RARB: variants seen among roughly 807,000 people sequenced by gnomAD.
RARB encodes HBV-activated protein.
RARB carries 17 observed loss-of-function variants against 51.9 expected under a neutral mutation model. That is an observed-to-expected ratio of 0.33 (90% CI 0.22 to 0.49). The LOEUF (loss-of-function observed/expected upper bound fraction) is 0.49, where lower values mean the gene tolerates loss of function less well. RARB is among the 20% of genes least tolerant of loss of function. The pLI, the probability that RARB is intolerant of heterozygous loss-of-function variation, is 0.99. For synonymous variants in RARB, 215 were observed against 195.4 expected (o/e 1.10, Z -0.84); for missense variants, 369 against 550.8 (o/e 0.67, Z 3.30).
At chr3:25,186,038 T>C in intron 5 of RARB, among the ~76,000 whole-genome samples, 1 of 152,074 alleles carries the variant, frequency 6.6e-6, no homozygotes, top group East Asian at 1.9e-4. Context: ...AATTTGACCC[T>C]GGGAATTCCA....
intron 3 of RARB, among the ~76,000 whole-genome samples, chr3:25,121,645 G>C (rs1018099052): frequency 6.6e-6 from 1 of 152,118 alleles, no homozygotes; most frequent in Non-Finnish European, 1.5e-5. Flanking sequence ...ATTTTTTTAT[G>C]TGTAATGGTA....
intron 4 of RARB, among the ~76,000 whole-genome samples, chr3:25,171,224 C>A (rs1700639188): frequency 1.3e-5 from 2 of 151,862 alleles, no homozygotes; most frequent in African/African-American, 4.8e-5. Flanking sequence ...GTTTGCCTTG[C>A]CTGAGGTGGT....
intron 2 of RARB, among the ~76,000 whole-genome samples, chr3:24,887,661 T>C (rs17787433): frequency 0.34 from 52,075 of 152,168 alleles, 11,118 homozygotes; most frequent in Non-Finnish European, 0.46. Context: ...CTCCTCCTGC[T>C]AGAAGTGATG....
Position 24,831,623 on chromosome 3 carries a change from C to A in RARB, c.-459+2220C>A, listed in dbSNP as rs1314267153. On this transcript the variant is annotated intron_variant, in intron 1 of 11. Transcript: ENST00000383772. ...ATTCCTTCTTGGACAAAAAAAAATA[C>A]ATGATGCTTATAGATATGGTGGGGG... 2.0e-5 allele frequency among the ~76,000 whole-genome samples: 3 copies of A among 151,062 alleles called. No homozygotes were observed. The East Asian group carries it at 5.8e-4, about 29-fold the overall frequency.
intron 5 of RARB, among the ~76,000 whole-genome samples, chr3:25,284,639 A>T (rs1290916059): frequency 6.6e-6 from 1 of 152,146 alleles, no homozygotes; most frequent in African/African-American, 2.4e-5. Context: ...AAGGTAGGGA[A>T]AGTTCTCAAG....
intron 5 of RARB, among the ~76,000 whole-genome samples, chr3:25,246,658 A>G (rs916357929): frequency 1.3e-5 from 2 of 152,158 alleles, no homozygotes; most frequent in African/African-American, 4.8e-5. Context: ...AGGCTGCAGA[A>G]GAGCAAATAT....
At chr3:25,333,767 C>T (rs566102043) in intron 5 of RARB, among the ~76,000 whole-genome samples, 9 of 152,312 alleles carry the variant, frequency 5.9e-5, no homozygotes, top group African/African-American at 2.2e-4. Flanking sequence ...TAAATTTTTA[C>T]ATTCTACCCA....
intron 5 of RARB, among the ~76,000 whole-genome samples, chr3:25,249,108 G>C (rs1702640884): frequency 6.6e-6 from 1 of 152,026 alleles, no homozygotes; most frequent in South Asian, 2.1e-4. Flanking sequence ...TATACATTAT[G>C]TGGGCATTCT....
intron 2 of RARB, among the ~76,000 whole-genome samples, chr3:24,975,130 G>C (rs1472550059): frequency 6.6e-6 from 1 of 152,132 alleles, no homozygotes; most frequent in Non-Finnish European, 1.5e-5. Context: ...TGAGTAGTAT[G>C]GCATAAGGAT....
At chr3:24,867,320 T>C (rs1317432216) in intron 2 of RARB, among the ~76,000 whole-genome samples, 7 of 152,158 alleles carry the variant, frequency 4.6e-5, no homozygotes, top group African/African-American at 1.7e-4. Context: ...CAGGAATAAA[T>C]AAGGGCAGTT....
At chr3:25,554,578 C>T (rs1333680068) in intron 3 of RARB, among the ~76,000 whole-genome samples, 2 of 152,120 alleles carry the variant, frequency 1.3e-5, no homozygotes, top group Non-Finnish European at 2.9e-5. Context: ...TTTGCCACTC[C>T]TGGGCTAGAC....
intron 5 of RARB, among the ~76,000 whole-genome samples, chr3:25,271,159 A>G (rs1703248859): frequency 6.6e-6 from 1 of 152,232 alleles, no homozygotes; most frequent in South Asian, 2.1e-4. Flanking sequence ...ACCAATTACG[A>G]TGGAATATGG....
At chr3:25,024,575 T>C (rs1697703077) in intron 2 of RARB, among the ~76,000 whole-genome samples, 1 of 152,118 alleles carries the variant, frequency 6.6e-6, no homozygotes, top group South Asian at 2.1e-4. Flanking sequence ...CAACCTAAAA[T>C]AGTCTCTAAA....
At chr3:25,387,597 C>A (rs975880465) in intron 5 of RARB, among the ~76,000 whole-genome samples, 1 of 152,138 alleles carries the variant, frequency 6.6e-6, no homozygotes. Flanking sequence ...GCTCCCTCCC[C>A]ACGAGTCTTC....
intron 2 of RARB, among the ~76,000 whole-genome samples, chr3:25,034,504 A>G (rs950559284): frequency 2.0e-5 from 3 of 152,234 alleles, no homozygotes; most frequent in Admixed American, 1.3e-4. Flanking sequence ...CTCTAGGCAG[A>G]AGAAGATGGC....
At chr3:25,242,328 T>C (rs1702452156) in intron 5 of RARB, among the ~76,000 whole-genome samples, 1 of 152,212 alleles carries the variant, frequency 6.6e-6, no homozygotes, top group African/African-American at 2.4e-5. Flanking sequence ...CATTTGGAAA[T>C]TTTGGCTTTT....
chr3:25,224,562 G>C (rs1429389697), intron 5 of RARB, among the ~76,000 whole-genome samples: 1 of 152,128 alleles, frequency 6.6e-6, no homozygotes, highest in Non-Finnish European at 1.5e-5. Context: ...AAATATTCCA[G>C]AAATTAGGTG....
At chr3:24,868,498 C>A (rs542316218) in intron 2 of RARB, among the ~76,000 whole-genome samples, 8 of 152,096 alleles carry the variant, frequency 5.3e-5, no homozygotes, top group Non-Finnish European at 1.2e-4. Context: ...TGTTAAGGCT[C>A]CTTAACCATC....
intron 2 of RARB, among the ~76,000 whole-genome samples, chr3:25,485,791 C>T (rs1296565604): frequency 3.3e-5 from 5 of 152,128 alleles, no homozygotes; most frequent in East Asian, 1.9e-4. Flanking sequence ...TGGTTCCCTT[C>T]GGGAACAGAG....
Sources: allele counts gnomAD v4.1 joint callset (sites outside exome capture counted in the v4.1 genomes callset), GRCh38; gene constraint gnomAD v4.1.1; transcripts MANE v1.5; gene names NCBI Gene and HGNC (gene_info 2026-07-23, HGNC 2026-07-21).